Variants in ZBBX observed in about 807,000 individuals in gnomAD.
The protein encoded by ZBBX is zinc finger B-box domain containing, also known as zinc finger B-box domain-containing protein 1.
In ZBBX, 101 loss-of-function variants were observed where a neutral mutation model predicts 108.5. The ratio of observed to expected loss-of-function variants is 0.93; its 90% CI spans 0.79 to 1.10. The LOEUF is 1.10. ZBBX is among the 50% of genes least tolerant of loss of function. The pLI is 0.00. For missense variants in ZBBX, 1,009 were observed against 941.4 expected, an observed-to-expected ratio of 1.07 and a Z score of -0.94; for synonymous variants, 356 against 323.4, an observed-to-expected ratio of 1.10 and a Z score of -1.08.
chr3:167,202,365 T>C, the ZBBX span, among the ~76,000 whole-genome samples: 1 of 152,190 alleles, frequency 6.6e-6, no homozygotes, highest in Non-Finnish European at 1.5e-5. Flanking sequence ...GAAACAGCTA[T>C]TGGAGATATG....
At chr3:167,277,681 A>G (rs1313531044) in intron 20 of ZBBX, among the ~76,000 whole-genome samples, 1 of 152,134 alleles carries the variant, frequency 6.6e-6, no homozygotes, top group Non-Finnish European at 1.5e-5. Flanking sequence ...TCAACAATAG[A>G]CAGATCAACG....
At chr3:167,184,233 G>A in the ZBBX span, among the ~76,000 whole-genome samples, 4 of 152,138 alleles carry the variant, frequency 2.6e-5, no homozygotes, top group East Asian at 7.7e-4. Flanking sequence ...ATTATGCCAA[G>A]AGAAAAAGTT....
chr3:167,242,625 T>C lies in ZBBX; in HGVS notation c.2273A>G (p.Tyr758Cys), dbSNP rs1449303632. The stretch of plus-strand genomic sequence containing the variant: ...TGGGAACTCTTCTGAGGTTAAGCTG[T>C]AAAGCTTTTCTGAAGTATCTGAAAT... Reference protein sequence around the residue: ...RSLADTSEKLYSLTSEEFPDF... With the variant: ...RSLADTSEKLCSLTSEEFPDF... Residue 758 changes from tyrosine to cysteine, a missense_variant, in exon 21 of 22, where the codon TAC becomes TGC. Coordinates refer to ENST00000675490, the MANE Select transcript of ZBBX (RefSeq NM_001199201.2). 15 of 1,610,288 alleles carry C rather than the reference T, an allele frequency of 9.3e-6. No individual in the cohort carries two copies. The highest frequency in any genetic ancestry group is 2.7e-5 in the African/African-American group (2 of 74,700).
intron 18 of ZBBX, among the ~76,000 whole-genome samples, chr3:167,296,081 T>C (rs752840125): frequency 4.0e-5 from 6 of 151,880 alleles, no homozygotes; most frequent in Admixed American, 3.3e-4. Flanking sequence ...ATTTCTGAAA[T>C]GTAAGGATGG....
At chr3:167,191,914 T>TAG in the ZBBX span, among the ~76,000 whole-genome samples, 971 of 114,642 alleles carry the variant, frequency 8.5e-3, 55 homozygotes, top group African/African-American at 0.032. Flanking sequence ...TATATATATA[T>TAG]ATATATATAT....
chr3:167,195,417 A>G, the ZBBX span, among the ~76,000 whole-genome samples: 1 of 152,328 alleles, frequency 6.6e-6, no homozygotes, highest in Admixed American at 6.5e-5. Flanking sequence ...TATCCCAAAA[A>G]TCAACATGAA....
At chr3:167,292,450 T>TA (rs1314360360) in intron 18 of ZBBX, among the ~76,000 whole-genome samples, 1 of 152,026 alleles carries the variant, frequency 6.6e-6, no homozygotes, top group African/African-American at 2.4e-5. Context: ...CCTGAATGAC[T>TA]CTGGGTAAAT....
At chr3:167,364,395 C>T in intron 6 of ZBBX, among the ~76,000 whole-genome samples, 1 of 151,900 alleles carries the variant, frequency 6.6e-6, no homozygotes, top group East Asian at 1.9e-4. Context: ...AAATGTTCTC[C>T]TTTACTTTCG....
chr3:167,359,071 A>G (rs368972809), intron 8 of ZBBX, among the ~76,000 whole-genome samples: 2 of 152,156 alleles, frequency 1.3e-5, no homozygotes, highest in Admixed American at 6.6e-5. Context: ...ATGTCATTCA[A>G]TGTATGAATG....
the ZBBX span, among the ~76,000 whole-genome samples, chr3:167,225,791 C>T: frequency 6.6e-6 from 1 of 151,750 alleles, no homozygotes; most frequent in African/African-American, 2.4e-5. Context: ...GGATCTTCCT[C>T]TGATGGTTGA....
At chr3:167,399,167 T>C (rs1278789916) in intron 1 of ZBBX, among the ~76,000 whole-genome samples, 4 of 152,088 alleles carry the variant, frequency 2.6e-5, no homozygotes, top group African/African-American at 4.8e-5. Flanking sequence ...CACTCACTCA[T>C]TCATTCACTA....
Position 167,263,033 on chromosome 3 carries a change from TTC to T in ZBBX, c.2254+19203_2254+19204del, listed in dbSNP as rs201092257. On this transcript the variant is annotated intron_variant, in intron 20 of 21. Transcript: ENST00000675490. ...GTTTGGTTTGTGCTTGCTTTTCTAG[TTC>T]TTTTTTTTTTTTTTTTTTTTGAGAT... Among the ~76,000 whole-genome samples the T allele has an allele frequency of 2.8e-3, 289 of 104,694 alleles. 7 individuals carry two copies. Among genetic ancestry groups the T allele is most frequent in the East Asian group, 9.9e-3 (21 of 2,126 alleles). 68.7% of individuals were successfully genotyped at this position (104,694 alleles called of 152,430 possible).
chr3:167,270,826 C>T (rs1726392716), intron 20 of ZBBX, among the ~76,000 whole-genome samples: 3 of 152,210 alleles, frequency 2.0e-5, no homozygotes, highest in Admixed American at 2.0e-4. Context: ...TTAACCTTAA[C>T]TACTGATAAT....
At chr3:167,254,374 G>A (rs1723109766) in intron 20 of ZBBX, among the ~76,000 whole-genome samples, 1 of 152,010 alleles carries the variant, frequency 6.6e-6, no homozygotes, top group Non-Finnish European at 1.5e-5. Context: ...TACTATACTT[G>A]TATTTTGCAA....
intron 2 of ZBBX, among the ~76,000 whole-genome samples, chr3:167,376,026 TC>T (rs2108612951): frequency 6.6e-6 from 1 of 152,138 alleles, no homozygotes; most frequent in South Asian, 2.1e-4. Context: ...CAAGGGGAAA[TC>T]CACAAAAGCA....
chr3:167,210,532 A>G, the ZBBX span, among the ~76,000 whole-genome samples: 1 of 152,190 alleles, frequency 6.6e-6, no homozygotes, highest in Admixed American at 6.5e-5. Flanking sequence ...AAATCTGGAG[A>G]AAGATCAATG....
At chr3:167,234,768 C>T in the ZBBX span, among the ~76,000 whole-genome samples, 1 of 151,630 alleles carries the variant, frequency 6.6e-6, no homozygotes, top group Non-Finnish European at 1.5e-5. Flanking sequence ...GAATAAAACC[C>T]CAATTTTATT....
chr3:167,204,180 A>G, the ZBBX span, among the ~76,000 whole-genome samples: 114 of 149,992 alleles, frequency 7.6e-4, no homozygotes, highest in African/African-American at 2.8e-3. Context: ...GCAGAAGAAA[A>G]ATCAATTTTC....
At chr3:167,296,919 A>C (rs1731785148) in intron 18 of ZBBX, among the ~76,000 whole-genome samples, 2 of 151,994 alleles carry the variant, frequency 1.3e-5, no homozygotes, top group Non-Finnish European at 2.9e-5. Context: ...AATAGCCAAA[A>C]CAATATTAAA....
Sources: gnomAD v4.1 joint callset for allele counts (sites outside exome capture counted in the v4.1 genomes callset) on GRCh38, gnomAD v4.1.1 for gene constraint, MANE v1.5 for transcripts, NCBI Gene and HGNC (gene_info 2026-07-23, HGNC 2026-07-21) for gene names.